The following MYPN variants were observed in gnomAD, a reference collection of about 807,000 sequenced individuals.
The protein encoded by MYPN is myopalladin.
In MYPN, 63 loss-of-function variants were observed where a neutral mutation model predicts 129.4. The ratio of observed to expected loss-of-function variants is 0.49; its 90% confidence interval spans 0.40 to 0.60. The LOEUF (loss-of-function observed/expected upper bound fraction) is 0.60, where lower values mean the gene tolerates loss of function less well. Ranked by LOEUF, MYPN falls within the 20% of genes least tolerant of loss-of-function variation. The pLI is 0.00. For missense variants in MYPN, 1,596 were observed against 1,635.4 expected (o/e 0.98, Z 0.42); for synonymous variants, 629 against 600.9 (o/e 1.05, Z -0.68).
rs1166561662 is a variant in MYPN, at chr10:68,182,356, ATAAC to A, written c.2704-6548_2704-6545del. Among the ~76,000 whole-genome samples, 474 of 101,378 alleles carry A rather than the reference ATAAC, an allele frequency of 4.7e-3. 17 individuals are homozygous for A. Among genetic ancestry groups the A allele is most frequent in the Non-Finnish European group, 8.5e-3 (393 of 46,404 alleles). The allele number at this position is 101,378 out of a possible 152,430, so 66.5% of individuals were successfully genotyped here. A position where few individuals can be genotyped will look rare whatever the true frequency, so the allele number is the denominator to read the frequency against. The stretch of plus-strand genomic sequence containing the variant: ...TAACACACACATATATAACATATAT[ATAAC>A]ACATATATATAACATATATAACACA... On this transcript the variant is annotated intron_variant, in intron 12 of 19. Transcript: ENST00000358913.
intron 8 of MYPN, among the ~76,000 whole-genome samples, chr10:68,163,604 G>A (rs370371471): frequency 1.8e-4 from 27 of 152,224 alleles, no homozygotes; most frequent in East Asian, 7.7e-4. Flanking sequence ...ACTCCAGCCC[G>A]GGTGACAGAG....
chr10:68,145,946 C>A (rs1388365963), intron 4 of MYPN, among the ~76,000 whole-genome samples: 5 of 152,188 alleles, frequency 3.3e-5, no homozygotes, highest in African/African-American at 9.7e-5. Context: ...TTTATGCCAA[C>A]CACCTCCTTA....
Position 68,200,757 on chromosome 10 carries a change from C to CA in MYPN, c.3494-1061dup, listed in dbSNP as rs992918472. On this transcript the variant is annotated intron_variant, in intron 17 of 19. Transcript: ENST00000358913. ...TGGGTGACAGAGCAAGACTCCATCT[C>CA]AAAAAAAAAAAGAAGAAGAAATTCA... 7.3e-3 allele frequency among the ~76,000 whole-genome samples: 1,048 copies of CA among 143,200 alleles called. 17 individuals are homozygous for CA. The highest frequency in any genetic ancestry group is 0.03 in the East Asian group (152 of 4,988). 93.9% of individuals were successfully genotyped at this position (143,200 alleles called of 152,430 possible). A position where few individuals can be genotyped will look rare whatever the true frequency, so the allele number is the denominator to read the frequency against.
intron 15 of MYPN, 131 bp from the exon 16 acceptor site, chr10:68,197,221 C>G: frequency 1.2e-6 from 1 of 862,092 alleles, no homozygotes; most frequent in Non-Finnish European, 1.8e-6. Flanking sequence ...TGTTTATAGT[C>G]CAGCCTCCCC....
chr10:68,211,531 C>A lies in MYPN; in HGVS notation c.*1076C>A, dbSNP rs1193602888. 3 of 453,940 alleles carry A rather than the reference C, an allele frequency of 6.6e-6. No individual in the cohort carries two copies. Among genetic ancestry groups the A allele is most frequent in the Middle Eastern group, 6.8e-4 (1 of 1,466 alleles). The allele number at this position is 453,940 out of a possible 1,614,324, so 28.1% of individuals were successfully genotyped here. ...TTGCATTTTCTATGTAGAGAATATTCTGCTAGGTGGAAAAGTTGGGAGAAA... is the reference window on the plus strand; with the variant it reads ...TTGCATTTTCTATGTAGAGAATATTATGCTAGGTGGAAAAGTTGGGAGAAA... On this transcript the variant is annotated 3_prime_UTR_variant, in exon 20 of 20. Transcript: ENST00000358913.
chr10:68,099,350 T>TTTG (rs915793556), intron 1 of MYPN, among the ~76,000 whole-genome samples: 17 of 152,076 alleles, frequency 1.1e-4, no homozygotes, highest in Admixed American at 9.2e-4. Flanking sequence ...GGAGTGTTGT[T>TTTG]TTGTTGTTGT....
intron 2 of MYPN, among the ~76,000 whole-genome samples, chr10:68,124,748 A>G (rs970373713): frequency 6.6e-5 from 10 of 152,170 alleles, no homozygotes; most frequent in Admixed American, 3.9e-4. Context: ...AAACAGGAAA[A>G]CAAGAAACTC....
At chr10:68,116,273 ATTAATGCTT>A (rs2042155577) in intron 1 of MYPN, among the ~76,000 whole-genome samples, 1 of 118,106 alleles carries the variant, frequency 8.5e-6, no homozygotes, top group Non-Finnish European at 1.6e-5. Flanking sequence ...AAGTTTTTAA[ATTAATGCTT>A]AAAAAAATAA....
At chr10:68,179,753 C>T (rs188103053) in intron 12 of MYPN, among the ~76,000 whole-genome samples, 224 of 152,000 alleles carry the variant, frequency 1.5e-3, no homozygotes, top group African/African-American at 5.0e-3. Context: ...CTTGACTTCT[C>T]GGGCTCAAGT....
At chr10:68,207,054 T>G (rs2043828736) in intron 19 of MYPN, 151 bp downstream of exon 19, 1 of 928,714 alleles carries the variant, frequency 1.1e-6, no homozygotes, top group Non-Finnish European at 1.7e-6. Context: ...GGTCAGGAGT[T>G]CAAGACCAGC....
rs1056092202 is a variant in MYPN, at chr10:68,175,224, G to T, written c.2565-99G>T. On this transcript the variant is annotated intron_variant, in intron 11 of 19. Coordinates refer to ENST00000358913, the MANE Select transcript of MYPN (RefSeq NM_032578.4). ...TTAATTCCCTAAGTGCCTAATGACC[G>T]CTGGTTTCTGGTTGTCATTTCAACC... is the stretch of plus-strand genomic sequence containing the variant. 12 of 1,295,006 alleles carry T rather than the reference G, an allele frequency of 9.3e-6. No individual in the cohort carries two copies. The East Asian group carries it at 1.9e-4, about 20-fold the overall frequency. 80.2% of individuals were successfully genotyped at this position (1,295,006 alleles called of 1,614,324 possible). A position where few individuals can be genotyped will look rare whatever the true frequency, so the allele number is the denominator to read the frequency against.
At chr10:68,146,199 C>T (rs942500010) in intron 4 of MYPN, among the ~76,000 whole-genome samples, 5 of 152,228 alleles carry the variant, frequency 3.3e-5, no homozygotes, top group Non-Finnish European at 5.9e-5. Flanking sequence ...TCCCCTCCTT[C>T]CTTCCCCACC....
intron 1 of MYPN, among the ~76,000 whole-genome samples, chr10:68,097,685 G>A (rs775421296): frequency 6.6e-5 from 10 of 151,834 alleles, no homozygotes; most frequent in Non-Finnish European, 1.2e-4. Context: ...AAGTGGCGGA[G>A]TTGGAATACA....
chr10:68,160,625 C>A (rs1770895283), intron 7 of MYPN, among the ~76,000 whole-genome samples: 1 of 152,106 alleles, frequency 6.6e-6, no homozygotes, highest in South Asian at 2.1e-4. Context: ...AAGATAAGAA[C>A]CTACTCTTGG....
intron 2 of MYPN, among the ~76,000 whole-genome samples, chr10:68,123,520 CAAA>C (rs56730644): frequency 8.5e-6 from 1 of 118,104 alleles, no homozygotes; most frequent in Admixed American, 8.7e-5. Flanking sequence ...ACTAAAAATA[CAAA>C]AAAAAAAAAA....
intron 6 of MYPN, 100 bp downstream of exon 6, chr10:68,150,211 T>C (rs2042745046): frequency 1.9e-6 from 2 of 1,074,994 alleles, no homozygotes; most frequent in Non-Finnish European, 2.8e-6. Context: ...CAGGATTTGG[T>C]CTTCTGTATG....
intron 1 of MYPN, among the ~76,000 whole-genome samples, chr10:68,114,773 A>G (rs1474111228): frequency 6.6e-6 from 1 of 152,216 alleles, no homozygotes; most frequent in Non-Finnish European, 1.5e-5. Flanking sequence ...CTATGTTGCC[A>G]AATTATTTTA....
intron 7 of MYPN, among the ~76,000 whole-genome samples, chr10:68,159,849 CATTG>C (rs558514941): frequency 2.0e-4 from 31 of 151,900 alleles, no homozygotes; most frequent in Middle Eastern, 6.8e-3. Context: ...TTATTTTTTA[CATTG>C]ATTGATAAAA....
chr10:68,182,480 A>ACACT (rs2043351663), intron 12 of MYPN, among the ~76,000 whole-genome samples: 1 of 140,394 alleles, frequency 7.1e-6, no homozygotes, highest in African/African-American at 2.8e-5. Flanking sequence ...ATACACACAC[A>ACACT]CACACACACA....
Sources: gnomAD v4.1 joint callset for allele counts (sites outside exome capture counted in the v4.1 genomes callset) on GRCh38, gnomAD v4.1.1 for gene constraint, MANE v1.5 for transcripts, NCBI Gene and HGNC (gene_info 2026-07-23, HGNC 2026-07-21) for gene names.